The following DOCK10 variants were observed in gnomAD, a reference collection of about 807,000 sequenced individuals.
DOCK10 encodes the protein dedicator of cytokinesis protein 10.
Under a neutral mutation model 280.1 loss-of-function variants are expected in DOCK10, and 145 were observed. The observed-to-expected ratio is 0.52, with a 90% CI of 0.45 to 0.59. The LOEUF (loss-of-function observed/expected upper bound fraction) is 0.59, where lower values mean the gene tolerates loss of function less well. Ranked by LOEUF, DOCK10 falls within the 20% of genes least tolerant of loss-of-function variation. The pLI is 0.00. For missense variants in DOCK10, 2,368 were observed against 2,651.7 expected, an observed-to-expected ratio of 0.89 and a Z score of 2.35; for synonymous variants, 915 against 942.2, an observed-to-expected ratio of 0.97 and a Z score of 0.53.
chr2:224,874,935 C>A (rs1022696739), intron 8 of DOCK10, among the ~76,000 whole-genome samples, 184 bp from the exon 9 acceptor site: 20 of 152,154 alleles, frequency 1.3e-4, no homozygotes, highest in Admixed American at 1.2e-3. Context: ...GGAAATCAGA[C>A]CCTCTGATGA....
In DOCK10 at chr2:224,893,425, A is replaced by G. The variant is rs186767565; in HGVS notation, c.416+2870T>C. 9 of 175,562 alleles carry G rather than the reference A, an allele frequency of 5.1e-5. No homozygotes were observed. In the East Asian group the frequency reaches 1.3e-3, roughly 24 times the overall value. The allele number at this position is 175,562 out of a possible 1,614,324, so 10.9% of individuals were successfully genotyped here. A position where few individuals can be genotyped will look rare whatever the true frequency, so the allele number is the denominator to read the frequency against. The stretch of plus-strand genomic sequence containing the variant: ...ACTCTTATGAATTTTTCTTCCTTAC[A>G]TCTTCTTTCTATCAAATCGACCATG... On this transcript the variant is annotated intron_variant, in intron 4 of 55. Transcript: ENST00000258390.
chr2:225,032,623 G>C (rs1461547073), intron 1 of DOCK10, among the ~76,000 whole-genome samples: 1 of 152,152 alleles, frequency 6.6e-6, no homozygotes, highest in African/African-American at 2.4e-5. Flanking sequence ...CACATTTGCA[G>C]TATCTTCAAA....
chr2:224,874,964 T>G (rs1035588557), intron 8 of DOCK10, among the ~76,000 whole-genome samples: 17 of 152,234 alleles, frequency 1.1e-4, no homozygotes, highest in African/African-American at 3.9e-4. Flanking sequence ...GGATTCTTGC[T>G]ATGATACCAT....
At chr2:224,958,253 G>A (rs1165540928) in intron 1 of DOCK10, among the ~76,000 whole-genome samples, 6 of 152,196 alleles carry the variant, frequency 3.9e-5, no homozygotes, top group South Asian at 2.1e-4. Flanking sequence ...CTTGAGCTGC[G>A]CTGCTACAGT....
In DOCK10 at chr2:224,819,786, A is replaced by C. The variant is rs570899004; in HGVS notation, c.3184-257T>G. On this transcript the variant is annotated intron_variant, in intron 28 of 55. Coordinates refer to ENST00000258390, the MANE Select transcript of DOCK10 (RefSeq NM_014689.3). The stretch of plus-strand genomic sequence containing the variant: ...GAATAGGTACATTTAAAAATTCAGA[A>C]GAAAACAAGAAAAATTGAAAGGAAA... Among the ~76,000 whole-genome samples the C allele has an allele frequency of 4.6e-5, 7 of 152,306 alleles. No individual in the cohort carries two copies. In the East Asian group the frequency reaches 1.2e-3, roughly 25 times the overall value.
chr2:224,974,212 A>G (rs1427272412), intron 1 of DOCK10, among the ~76,000 whole-genome samples: 1 of 152,192 alleles, frequency 6.6e-6, no homozygotes, highest in East Asian at 1.9e-4. Context: ...TCAGTTGTTT[A>G]TTGAGTTTCT....
chr2:224,911,940 C>T (rs1701037180), intron 3 of DOCK10, among the ~76,000 whole-genome samples: 1 of 152,090 alleles, frequency 6.6e-6, no homozygotes, highest in Non-Finnish European at 1.5e-5. Flanking sequence ...AATCCTAAAG[C>T]AAGACACGCA....
At chr2:224,782,977 C>T (rs1051327412) in intron 50 of DOCK10, among the ~76,000 whole-genome samples, 6 of 152,124 alleles carry the variant, frequency 3.9e-5, no homozygotes, top group South Asian at 4.1e-4. Flanking sequence ...TGTACACGTT[C>T]GGGGGAATGC....
intron 26 of DOCK10, among the ~76,000 whole-genome samples, chr2:224,830,920 T>TTTTATTTA (rs61701805): frequency 0.014 from 2,022 of 148,608 alleles, 42 homozygotes; most frequent in African/African-American, 0.044. Flanking sequence ...CTAAACAAAC[T>TTTTATTTA]TTTATTTATT....
At chr2:224,862,505 C>T (rs1697576229) in intron 14 of DOCK10, 159 bp downstream of exon 14, 1 of 614,480 alleles carries the variant, frequency 1.6e-6, no homozygotes, top group African/African-American at 1.8e-5. Flanking sequence ...AAATGTATGT[C>T]TCAGAGAAGC....
At chr2:224,930,455 A>C (rs1277543574) in intron 2 of DOCK10, among the ~76,000 whole-genome samples, 1 of 152,012 alleles carries the variant, frequency 6.6e-6, no homozygotes, top group Non-Finnish European at 1.5e-5. Context: ...ACATTGGAAG[A>C]GTTTCTTTCT....
In DOCK10 at chr2:224,841,027, A is replaced by G. The variant is rs144987138; in HGVS notation, c.2661+777T>C. ...CCAGGCACAGAAAGACAAATACCGCATGATCTCATTTATATGTGGGATCTA... is the reference window on the plus strand; with the variant it reads ...CCAGGCACAGAAAGACAAATACCGCGTGATCTCATTTATATGTGGGATCTA... On this transcript the variant is annotated intron_variant, in intron 23 of 55. Coordinates refer to ENST00000258390, the MANE Select transcript of DOCK10 (RefSeq NM_014689.3). Among the ~76,000 whole-genome samples, 696 of 152,308 alleles carry G rather than the reference A, an allele frequency of 4.6e-3. 5 individuals carry two copies. Among genetic ancestry groups the G allele is most frequent in the African/African-American group, 0.016 (661 of 41,572 alleles).
intron 51 of DOCK10, among the ~76,000 whole-genome samples, chr2:224,777,408 A>G (rs1383301637): frequency 6.6e-6 from 1 of 152,210 alleles, no homozygotes; most frequent in Non-Finnish European, 1.5e-5. Context: ...AGCTGCCAGT[A>G]CAGCTAGGAT....
At chr2:225,038,067 C>T (rs1690313439) in intron 1 of DOCK10, among the ~76,000 whole-genome samples, 1 of 152,134 alleles carries the variant, frequency 6.6e-6, no homozygotes, top group Non-Finnish European at 1.5e-5. Context: ...ATAAAGGACT[C>T]TGTCCAGAAC....
rs149065895 is a variant in DOCK10, at chr2:224,785,343, TC to T, written c.5655+1678del. Among the ~76,000 whole-genome samples, 505 of 152,244 alleles carry T rather than the reference TC, an allele frequency of 3.3e-3. 2 individuals carry two copies. The highest frequency in any genetic ancestry group is 0.01 in the Middle Eastern group (3 of 292). ...TGCAGATCCCCATTTTTCAGACCAT[TC>T]GTTTCTCTGTCTCCACTATCCTGAT... is the stretch of plus-strand genomic sequence containing the variant. On this transcript the variant is annotated intron_variant, in intron 50 of 55. Coordinates refer to ENST00000258390, the MANE Select transcript of DOCK10 (RefSeq NM_014689.3).
intron 19 of DOCK10, among the ~76,000 whole-genome samples, chr2:224,846,987 G>A (rs759357540): frequency 3.9e-5 from 6 of 152,130 alleles, no homozygotes; most frequent in East Asian, 3.9e-4. Flanking sequence ...ATGCAGCTTC[G>A]GCATGGAATT....
At chr2:224,800,862 G>A (rs1282341251) in intron 40 of DOCK10, among the ~76,000 whole-genome samples, 2 of 152,124 alleles carry the variant, frequency 1.3e-5, no homozygotes, top group African/African-American at 4.8e-5. Context: ...TATGCTTTAG[G>A]GGCACATAAG....
chr2:224,876,829 T>C (rs1574978774), intron 7 of DOCK10, among the ~76,000 whole-genome samples: 1 of 152,174 alleles, frequency 6.6e-6, no homozygotes, highest in Non-Finnish European at 1.5e-5. Flanking sequence ...TGACCTCTAG[T>C]GAGAATCCTG....
intron 44 of DOCK10, 30 bp from the exon 45 acceptor site, chr2:224,795,124 T>A: frequency 1.9e-6 from 3 of 1,599,532 alleles, no homozygotes; most frequent in Non-Finnish European, 2.6e-6. Flanking sequence ...TGGGTCATTA[T>A]CTGTTTAGAA....
Sources: gnomAD v4.1 joint callset for allele counts (sites outside exome capture counted in the v4.1 genomes callset) on GRCh38, gnomAD v4.1.1 for gene constraint, MANE v1.5 for transcripts, NCBI Gene and HGNC (gene_info 2026-07-23, HGNC 2026-07-21) for gene names.